Variants in COL28A1 observed in about 807,000 individuals in gnomAD.
COL28A1 encodes the protein collagen type XXVIII alpha 1 chain, also known as collagen alpha-1(XXVIII) chain.
A neutral mutation model predicts 150.2 loss-of-function variants in COL28A1; 161 were observed. That is an observed-to-expected ratio of 1.07 (90% CI 0.94 to 1.22). The LOEUF is 1.22. COL28A1 is among the 50% of genes most tolerant of loss of function. COL28A1 has a pLI of 0.00. For synonymous variants in COL28A1, 552 were observed against 469.7 expected, an observed-to-expected ratio of 1.18 and a Z score of -2.26; for missense variants, 1,617 against 1,388.3, an observed-to-expected ratio of 1.16 and a Z score of -2.62.
At position 7,443,610 on chromosome 7, in the gene COL28A1, G is replaced by A. The variant is rs1332177806; in HGVS notation, c.1625C>T (p.Pro542Leu). 4 of 1,613,920 alleles carry A rather than the reference G, an allele frequency of 2.5e-6. No individual in the cohort carries two copies. The African/African-American group carries it at 5.3e-5, about 22-fold the overall frequency. Reference protein sequence around the residue: ...LPGARGPEGPPGKGQPGPKGD... With the variant: ...LPGARGPEGPLGKGQPGPKGD... ...CTTGGGGCCAGGCTGTCCTTTTCCA[G>A]GTGGTCCTTCTGGGCCTCTTGCTCC... Residue 542 changes from proline (P) to leucine (L), a missense_variant, in exon 20 of 35, where the codon CCT (proline) becomes CTT (leucine). Coordinates refer to ENST00000399429, the MANE Select transcript of COL28A1 (RefSeq NM_001037763.3).
intron 27 of COL28A1, among the ~76,000 whole-genome samples, chr7:7,407,333 A>T (rs145773443): frequency 6.6e-6 from 1 of 152,166 alleles, no homozygotes; most frequent in Admixed American, 6.6e-5. Flanking sequence ...ACTAGTCCAC[A>T]GAATCAGGAA....
At chr7:7,513,240 C>T (rs1246624635) in intron 8 of COL28A1, among the ~76,000 whole-genome samples, 1 of 152,200 alleles carries the variant, frequency 6.6e-6, no homozygotes, top group African/African-American at 2.4e-5. Context: ...ATATACATAT[C>T]TCCACTCACA....
rs995776213 is a variant in COL28A1 at position 7,372,985 on chromosome 7, T to C, written c.2908+13A>G. ...ATAAATGCCTTTCCCCTGGGCCAGA[T>C]AGCCTTCCTTACCTTGCAGGGTAAA... is the stretch of plus-strand genomic sequence containing the variant. On this transcript the variant is annotated intron_variant, in intron 32 of 34. Transcript: ENST00000399429. The C allele has an allele frequency of 1.2e-5, 19 of 1,606,232 alleles. No homozygotes were observed. The highest frequency in any genetic ancestry group is 1.7e-4 in the Middle Eastern group (1 of 6,050).
intron 32 of COL28A1, 72 bp downstream of exon 32, chr7:7,372,926 G>T: frequency 7.4e-7 from 1 of 1,351,642 alleles, no homozygotes; most frequent in Non-Finnish European, 1.0e-6. Context: ...ATTTGGTCAG[G>T]ACAAACCAGT....
the COL28A1 span, among the ~76,000 whole-genome samples, chr7:7,541,461 A>G: frequency 2.0e-5 from 3 of 152,240 alleles, no homozygotes; most frequent in Admixed American, 6.5e-5. Context: ...AATGTTGAGT[A>G]ACTTTTACTT....
chr7:7,348,620 GCTTC>G, the COL28A1 span, among the ~76,000 whole-genome samples: 4 of 149,344 alleles, frequency 2.7e-5, no homozygotes, highest in South Asian at 8.7e-4. Context: ...TTTATTTTCT[GCTTC>G]CTATTTCATT....
intron 27 of COL28A1, among the ~76,000 whole-genome samples, chr7:7,389,433 T>C (rs78966540): frequency 0.63 from 95,399 of 152,088 alleles, 30,604 homozygotes; most frequent in South Asian, 0.7. Context: ...GGTAGCGTAA[T>C]CCCTCCAGCT....
chr7:7,407,717 A>G (rs1002601101), intron 27 of COL28A1, among the ~76,000 whole-genome samples: 3 of 152,120 alleles, frequency 2.0e-5, no homozygotes, highest in Admixed American at 1.3e-4. Context: ...AGTGGTTTCA[A>G]TCTGGGATGC....
At chr7:7,519,831 G>C (rs1221706894) in intron 6 of COL28A1, among the ~76,000 whole-genome samples, 1 of 151,966 alleles carries the variant, frequency 6.6e-6, no homozygotes, top group African/African-American at 2.4e-5. Flanking sequence ...AATGTCCCTA[G>C]GTTTCCTAAA....
intron 27 of COL28A1, among the ~76,000 whole-genome samples, chr7:7,395,058 G>A (rs1782759741): frequency 6.6e-6 from 1 of 152,216 alleles, no homozygotes; most frequent in African/African-American, 2.4e-5. Flanking sequence ...TTGGGAGGTT[G>A]AGGTGGGAGA....
At position 7,465,583 on chromosome 7, in the gene COL28A1, C is replaced by T. The variant is rs964201796; in HGVS notation, c.1302+9018G>A. 2.9e-5 allele frequency among the ~76,000 whole-genome samples: 4 copies of T among 136,300 alleles called. No individual in the cohort carries two copies. The Admixed American group carries it at 3.0e-4, about 10-fold the overall frequency. 89.4% of individuals were successfully genotyped at this position (136,300 alleles called of 152,430 possible). The stretch of plus-strand genomic sequence containing the variant: ...AGGTAAACAAAGCAGCCGAGAAGCT[C>T]GAACTGGGTGGAGCCCACTACAGCT... On this transcript the variant is annotated intron_variant, in intron 15 of 34. Transcript: ENST00000399429.
At chr7:7,400,095 T>G (rs927141955) in intron 27 of COL28A1, among the ~76,000 whole-genome samples, 4 of 152,230 alleles carry the variant, frequency 2.6e-5, no homozygotes, top group Non-Finnish European at 4.4e-5. Flanking sequence ...CAGACAAGAA[T>G]GGACCCAGAA....
intron 27 of COL28A1, among the ~76,000 whole-genome samples, chr7:7,401,369 C>T (rs147161861): frequency 6.6e-6 from 1 of 152,236 alleles, no homozygotes; most frequent in East Asian, 1.9e-4. Context: ...ATTTATATCT[C>T]TTGTCCTGAC....
At chr7:7,511,303 A>C (rs1326683032) in intron 8 of COL28A1, among the ~76,000 whole-genome samples, 168 bp from the exon 9 acceptor site, 1 of 152,166 alleles carries the variant, frequency 6.6e-6, no homozygotes, top group East Asian at 1.9e-4. Flanking sequence ...GGGCATTGAA[A>C]TCTGAATATT....
intron 4 of COL28A1, among the ~76,000 whole-genome samples, chr7:7,522,597 C>A (rs1024484374): frequency 8.6e-5 from 13 of 151,992 alleles, no homozygotes; most frequent in African/African-American, 3.1e-4. Context: ...AATTCCAGAA[C>A]ATACTTAAGA....
intron 8 of COL28A1, 73 bp downstream of exon 8, chr7:7,515,741 G>C: frequency 3.8e-6 from 3 of 790,176 alleles, no homozygotes; most frequent in Non-Finnish European, 6.7e-6. Context: ...CTTTTATTAA[G>C]TTCCTAAGTA....
At chr7:7,505,870 C>A in intron 11 of COL28A1, 144 bp downstream of exon 11, 4 of 616,742 alleles carry the variant, frequency 6.5e-6, no homozygotes, top group South Asian at 4.1e-5. Context: ...GGACTTAATT[C>A]TCTGTATACA....
intron 19 of COL28A1, among the ~76,000 whole-genome samples, chr7:7,444,193 C>A (rs1201616158): frequency 6.6e-6 from 1 of 151,890 alleles, no homozygotes; most frequent in Non-Finnish European, 1.5e-5. Context: ...AGGCCATAAC[C>A]AAAACACCAG....
intron 27 of COL28A1, among the ~76,000 whole-genome samples, chr7:7,403,791 A>G (rs1446147132): frequency 2.0e-5 from 3 of 152,198 alleles, no homozygotes; most frequent in Non-Finnish European, 4.4e-5. Context: ...ACAGTTTTGT[A>G]TGGTTCAATA....
Sources: allele counts gnomAD v4.1 joint callset (sites outside exome capture counted in the v4.1 genomes callset), GRCh38; gene constraint gnomAD v4.1.1; transcripts MANE v1.5; gene names NCBI Gene and HGNC (gene_info 2026-07-23, HGNC 2026-07-21).